The following EMC8 variants were observed in gnomAD, a reference collection of about 807,000 sequenced individuals.
EMC8 encodes COX4 neighbor.
A neutral mutation model predicts 24.3 loss-of-function variants in EMC8; 11 were observed. The ratio of observed to expected loss-of-function variants is 0.45; its 90% CI spans 0.28 to 0.75. EMC8 has a LOEUF of 0.75. Ranked by LOEUF, EMC8 falls within the 30% of genes least tolerant of loss-of-function variation. The pLI is 0.12. For missense variants in EMC8, 277 were observed against 282.7 expected, an observed-to-expected ratio of 0.98 and a Z score of 0.14; for synonymous variants, 145 against 117.7, an observed-to-expected ratio of 1.23 and a Z score of -1.50.
At chr16:85,785,969 A>T (rs747039024) in intron 2 of EMC8, among the ~76,000 whole-genome samples, 2 of 152,226 alleles carry the variant, frequency 1.3e-5, no homozygotes, top group African/African-American at 2.4e-5. Context: ...CCAACAATGA[A>T]TCATATAATA....
At chr16:85,798,763 C>A (rs1223846753) in intron 1 of EMC8, 1 of 362,014 alleles carries the variant, frequency 2.8e-6, no homozygotes, top group Non-Finnish European at 5.0e-6. Flanking sequence ...CGAATCCCCA[C>A]CAAGTGAACG....
chr16:85,793,547 C>G (rs1441267594), intron 1 of EMC8, among the ~76,000 whole-genome samples: 1 of 152,056 alleles, frequency 6.6e-6, no homozygotes, highest in Non-Finnish European at 1.5e-5. Context: ...CAAGGTGGCA[C>G]GTGAATGTTC....
intron 2 of EMC8, 48 bp from the exon 3 acceptor site, chr16:85,781,328 T>C: frequency 8.0e-7 from 1 of 1,249,306 alleles, no homozygotes; most frequent in South Asian, 1.2e-5. Flanking sequence ...CATTCAACAC[T>C]GTTTACAAAA....
At chr16:85,783,422 C>T (rs918178430) in intron 2 of EMC8, among the ~76,000 whole-genome samples, 1 of 152,218 alleles carries the variant, frequency 6.6e-6, no homozygotes, top group Non-Finnish European at 1.5e-5. Flanking sequence ...GCCTCACAAG[C>T]AGCTGGGACC....
At chr16:85,793,872 G>C (rs1187024433) in intron 1 of EMC8, among the ~76,000 whole-genome samples, 1 of 151,952 alleles carries the variant, frequency 6.6e-6, no homozygotes, top group Admixed American at 6.6e-5. Context: ...TACGTCAAAG[G>C]GTTATAAGGA....
chr16:85,794,994 C>T (rs1597209259), intron 1 of EMC8, among the ~76,000 whole-genome samples: 1 of 152,174 alleles, frequency 6.6e-6, no homozygotes, highest in Non-Finnish European at 1.5e-5. Flanking sequence ...GCCCTGCTCC[C>T]CCGTGGAAAA....
chr16:85,789,501 A>G (rs186092146), intron 1 of EMC8, among the ~76,000 whole-genome samples: 1 of 152,178 alleles, frequency 6.6e-6, no homozygotes, highest in Non-Finnish European at 1.5e-5. Flanking sequence ...TTTCAAAACA[A>G]GTCTTTTAGG....
intron 1 of EMC8, among the ~76,000 whole-genome samples, chr16:85,794,980 G>C (rs1433812334): frequency 6.6e-6 from 1 of 152,172 alleles, no homozygotes; most frequent in African/African-American, 2.4e-5. Context: ...TGGTTTGGGA[G>C]GCAGCCCTGC....
rs906066901 is a variant in EMC8, at chr16:85,778,814, T to C, written c.*894A>G. ...TCTGAACTTTGTACAAAATAATTCA[T>C]ATAAAAAGGAAAAAAGGTAAACGTA... On this transcript the variant is annotated 3_prime_UTR_variant, in exon 5 of 5. Transcript: ENST00000253457. 1 of 152,116 alleles carries C rather than the reference T, an allele frequency of 6.6e-6. No individual in the cohort carries two copies. The highest frequency in any genetic ancestry group is 2.4e-5 in the African/African-American group (1 of 41,436). 9.4% of individuals were successfully genotyped at this position (152,116 alleles called of 1,614,324 possible).
intron 4 of EMC8, chr16:85,780,124 G>C (rs1400469047): frequency 1.7e-6 from 1 of 600,606 alleles, no homozygotes; most frequent in Non-Finnish European, 3.0e-6. Flanking sequence ...AGTGGCCACA[G>C]ATACATCAAA....
chr16:85,793,112 G>T (rs1374740675), intron 1 of EMC8, among the ~76,000 whole-genome samples: 2 of 152,214 alleles, frequency 1.3e-5, no homozygotes, highest in Non-Finnish European at 2.9e-5. Flanking sequence ...ACATGGAAGA[G>T]AACTATTAAA....
intron 1 of EMC8, among the ~76,000 whole-genome samples, chr16:85,791,125 A>G (rs951021753): frequency 6.7e-6 from 1 of 149,802 alleles, no homozygotes; most frequent in Admixed American, 6.7e-5. Context: ...ACCATGCCCA[A>G]TTTTTTTTTT....
In EMC8 at chr16:85,784,593, G is replaced by A. The variant is rs181155376; in HGVS notation, c.309-3313C>T. 4 of 152,172 alleles carry A rather than the reference G, an allele frequency of 2.6e-5. No homozygotes were observed. In the East Asian group the frequency reaches 7.8e-4, roughly 30 times the overall value. 9.4% of individuals were successfully genotyped at this position (152,172 alleles called of 1,614,324 possible). ...TTTTCAGGTAGAAGCCAATCGTACT[G>A]AAGAAAGCAGTGCGATGGTGGCTCC... On this transcript the variant is annotated intron_variant, in intron 2 of 4. Transcript: ENST00000253457.
Position 85,799,094 on chromosome 16 carries a change from C to A in EMC8, c.202G>T (p.Ala68Ser). 2 of 1,566,058 alleles carry A rather than the reference C, an allele frequency of 1.3e-6. No individual in the cohort carries two copies. The highest frequency in any genetic ancestry group is 1.7e-6 in the Non-Finnish European group (2 of 1,155,454). The change falls in exon 1 of 5, where the codon GCC (alanine) becomes TCC (serine). Residue 68 changes from alanine to serine, a missense_variant. Physicochemically the swap from Ala to Ser is moderately conservative, Grantham distance 99 (BLOSUM62 1). Coordinates refer to ENST00000253457, the MANE Select transcript of EMC8 (RefSeq NM_006067.5). This position sits in a 1 kb window ranked among gnomAD's most constrained non-coding sequence, Gnocchi z 4.2. ...IPLFHGTLAL[A>S]PMLEVALTLI... ...GTGAGAGCCACCTCCAGCATGGGGG[C>A]GAGGGCCAGGGTGCCGTGGAAGAGG... is the stretch of plus-strand genomic sequence containing the variant.
chr16:85,785,494 C>G (rs1430880210), intron 2 of EMC8, among the ~76,000 whole-genome samples: 1 of 152,082 alleles, frequency 6.6e-6, no homozygotes, highest in Non-Finnish European at 1.5e-5. Context: ...ACTTTGAACC[C>G]AGGAGGTGGA....
At chr16:85,786,620 C>T (rs1440074847) in intron 2 of EMC8, among the ~76,000 whole-genome samples, 2 of 152,128 alleles carry the variant, frequency 1.3e-5, no homozygotes, top group Non-Finnish European at 2.9e-5. Context: ...AAGGTTTATC[C>T]TCTCTACACA....
Position 85,778,732 on chromosome 16 carries a change from G to T in EMC8, c.*976C>A, listed in dbSNP as rs772802678. ...ATCACAAACCCTTTCAGGTCACACC[G>T]ATCGTTACAAATTCCTCCATGGAGT... On this transcript the variant is annotated 3_prime_UTR_variant, in exon 5 of 5. Transcript: ENST00000253457. 6.6e-6 allele frequency: 1 copy of T among 152,144 alleles called. No individual in the cohort carries two copies. Among genetic ancestry groups the T allele is most frequent in the Non-Finnish European group, 1.5e-5 (1 of 68,030 alleles). 9.4% of individuals were successfully genotyped at this position (152,144 alleles called of 1,614,324 possible).
chr16:85,792,930 ACT>A (rs1199468793), intron 1 of EMC8: 2 of 151,944 alleles, frequency 1.3e-5, no homozygotes, highest in Non-Finnish European at 2.9e-5. Flanking sequence ...TCAGGAGAAA[ACT>A]CTGTGGAGAC....
rs746702704 is a variant in EMC8 at position 85,780,447 on chromosome 16, G to C, written c.405C>G (p.Asp135Glu). Reference sequence around the variant, plus strand: ...ACACGTGGATCGTAGGCGCTACGCAGTCCATCGTAAACTTGGTGTTGTCTA... The same window carrying C: ...ACACGTGGATCGTAGGCGCTACGCACTCCATCGTAAACTTGGTGTTGTCTA... The part of the protein sequence containing the change: ...IMVDNTKFTM[D>E]CVAPTIHVYE... Residue 135 changes from aspartate (D) to glutamate (E), a missense_variant, in exon 4 of 5, where the codon GAC becomes GAG. Coordinates refer to ENST00000253457, the MANE Select transcript of EMC8 (RefSeq NM_006067.5). 6 of 1,613,978 alleles carry C rather than the reference G, an allele frequency of 3.7e-6. No homozygotes were observed. In the South Asian group the frequency reaches 6.6e-5, roughly 18 times the overall value.
Sources: gnomAD v4.1 joint callset for allele counts (sites outside exome capture counted in the v4.1 genomes callset) on GRCh38, gnomAD v4.1.1 for gene constraint, Gnocchi (gnomAD v3.1) non-coding constraint, MANE v1.5 for transcripts, NCBI Gene and HGNC (gene_info 2026-07-23, HGNC 2026-07-21) for gene names.